TBCD: variants seen among roughly 807,000 people sequenced by gnomAD.
TBCD encodes tubulin folding cofactor D.
A neutral mutation model predicts 169.3 loss-of-function variants in TBCD; 105 were observed. The ratio of observed to expected loss-of-function variants is 0.62; its 90% CI spans 0.53 to 0.73. TBCD has a LOEUF of 0.73. Ranked by LOEUF, TBCD falls within the 30% of genes least tolerant of loss-of-function variation. The pLI is 0.00. For synonymous variants in TBCD, 700 were observed against 643.9 expected (o/e 1.09, Z -1.32); for missense variants, 1,444 against 1,600.1 (o/e 0.90, Z 1.66).
chr17:82,933,602 T>G (rs2062389240), intron 34 of TBCD, among the ~76,000 whole-genome samples: 1 of 146,806 alleles, frequency 6.8e-6, no homozygotes, highest in Non-Finnish European at 1.5e-5. Context: ...GCGTGGTCTG[T>G]TTTTGGGGGC....
intron 6 of TBCD, among the ~76,000 whole-genome samples, chr17:82,772,756 G>A (rs2048371443): frequency 6.6e-6 from 1 of 152,224 alleles, no homozygotes; most frequent in South Asian, 2.1e-4. Flanking sequence ...ATCGACAGGA[G>A]TGCAGGTCTG....
intron 17 of TBCD, among the ~76,000 whole-genome samples, chr17:82,898,804 GT>G (rs1168685772): frequency 1.3e-5 from 2 of 152,204 alleles, no homozygotes; most frequent in African/African-American, 4.8e-5. Context: ...CTTCCGTGTT[GT>G]TTTCACAAGA....
intron 13 of TBCD, among the ~76,000 whole-genome samples, chr17:82,845,666 G>A (rs1452438981): frequency 2.6e-5 from 4 of 151,978 alleles, no homozygotes; most frequent in African/African-American, 4.8e-5. Context: ...GGTCCCTTCC[G>A]CAGCAGCATC....
chr17:82,893,653 A>C, intron 17 of TBCD, 21 bp downstream of exon 17: 1 of 1,524,916 alleles, frequency 6.6e-7, no homozygotes, highest in Non-Finnish European at 8.9e-7. Flanking sequence ...AATGTATATC[A>C]CAAAAATAGA....
chr17:82,929,029 C>T (rs1371048614), intron 30 of TBCD, 84 bp from the exon 31 acceptor site: 7 of 1,512,302 alleles, frequency 4.6e-6, no homozygotes, highest in South Asian at 2.5e-5. Context: ...GCTGGAGTCA[C>T]GGCTCGGACC....
intron 30 of TBCD, 81 bp from the exon 31 acceptor site, chr17:82,929,032 C>T: frequency 6.6e-7 from 1 of 1,521,932 alleles, no homozygotes; most frequent in Non-Finnish European, 8.8e-7. Context: ...GGAGTCACGG[C>T]TCGGACCGCC....
At chr17:82,763,610 G>A (rs1205453198) in intron 2 of TBCD, among the ~76,000 whole-genome samples, 2 of 152,066 alleles carry the variant, frequency 1.3e-5, no homozygotes, top group African/African-American at 4.8e-5. Flanking sequence ...GCGTGGTGAC[G>A]CGTGCCTGTA....
chr17:82,755,877 A>ACT (rs1201917140), intron 1 of TBCD, among the ~76,000 whole-genome samples: 1 of 151,928 alleles, frequency 6.6e-6, no homozygotes, highest in African/African-American at 2.4e-5. Context: ...CGAGGAGGAG[A>ACT]CTCTGTTAGG....
chr17:82,840,953 G>GTTTTTTTTTTTTTTTT lies in TBCD; in HGVS notation c.1318+26019_1318+26020insTTTTTTTTTTTTTTTT, dbSNP rs755302623. ...ACGAGCTGGCCAGGACAGACAAACT[G>GTTTTTTTTTTTTTTTT]GTTTTTTTTTTTTTTTTTTTTTTTT... On this transcript the variant is annotated intron_variant, in intron 13 of 38. Transcript: ENST00000355528. Among the ~76,000 whole-genome samples, 74 of 70,548 alleles carry GTTTTTTTTTTTTTTTT rather than the reference G, an allele frequency of 1.0e-3. 37 individuals carry two copies. Among genetic ancestry groups the GTTTTTTTTTTTTTTTT allele is most frequent in the African/African-American group, 2.6e-3 (46 of 18,010 alleles). The allele number at this position is 70,548 out of a possible 152,430, so 46.3% of individuals were successfully genotyped here.
rs1450057063 is a variant in TBCD, at chr17:82,831,508, G to A, written c.1318+16574G>A. On this transcript the variant is annotated intron_variant, in intron 13 of 38. Transcript: ENST00000355528. The surrounding 1 kb of genome is among the most constrained non-coding windows in gnomAD (Gnocchi z 4.6). ...TGGCCTGTAAAATCCGTAAGGAATC[G>A]GCAGGTTAGAGGGATATTGCTGGAA... is the stretch of plus-strand genomic sequence containing the variant. 17 of 1,614,006 alleles carry A rather than the reference G, an allele frequency of 1.1e-5. No homozygotes were observed. The highest frequency in any genetic ancestry group is 1.4e-5 in the Non-Finnish European group (17 of 1,180,012).
intron 2 of TBCD, among the ~76,000 whole-genome samples, chr17:82,759,895 T>C (rs1461981777): frequency 1.3e-5 from 2 of 150,262 alleles, no homozygotes; most frequent in Non-Finnish European, 3.0e-5. Context: ...TTTGTTTTTT[T>C]TTTTTTTTTG....
chr17:82,919,727 CG>C (rs1398749955), intron 23 of TBCD, among the ~76,000 whole-genome samples: 18 of 152,236 alleles, frequency 1.2e-4, no homozygotes, highest in African/African-American at 4.1e-4. Context: ...CAGGGTCTCT[CG>C]TGGAACAGGA....
chr17:82,781,778 G>A, intron 7 of TBCD, 57 bp downstream of exon 7: 1 of 1,593,644 alleles, frequency 6.3e-7, no homozygotes, highest in Non-Finnish European at 8.5e-7. Flanking sequence ...CTTACATGGG[G>A]ACCACGGAAT....
chr17:82,830,405 C>T lies in TBCD; in HGVS notation c.1318+15471C>T, dbSNP rs751629740. ...CTGTAGGCCGCCAGCTGGCACAGGG[C>T]CACGGCTGCCGTCTGCTTCTGCTCC... is the stretch of plus-strand genomic sequence containing the variant. On this transcript the variant is annotated intron_variant, in intron 13 of 38. Transcript: ENST00000355528. The T allele has an allele frequency of 2.5e-6, 4 of 1,611,732 alleles. No individual in the cohort carries two copies. In the South Asian group the frequency reaches 4.4e-5, roughly 18 times the overall value.
chr17:82,758,400 A>AAAAAATAAAAAAAAAAAAT (rs1035939621), intron 2 of TBCD, among the ~76,000 whole-genome samples: 1 of 100,032 alleles, frequency 1.0e-5, no homozygotes, highest in African/African-American at 3.6e-5. Context: ...AAAAAAAAAA[A>AAAAAATAAAAAAAAAAAAT]AAATAAATAA....
chr17:82,793,276 G>C (rs573816264), intron 7 of TBCD, among the ~76,000 whole-genome samples: 5 of 152,110 alleles, frequency 3.3e-5, no homozygotes, highest in Non-Finnish European at 7.4e-5. Context: ...GCTCGCTCCT[G>C]GGGGAGGCAG....
At chr17:82,757,442 G>A (rs1293622727) in intron 2 of TBCD, among the ~76,000 whole-genome samples, 1 of 152,052 alleles carries the variant, frequency 6.6e-6, no homozygotes, top group Admixed American at 6.6e-5. Context: ...CTAACACGAT[G>A]AAACCCTGTC....
chr17:82,798,921 G>A (rs1417649287), intron 8 of TBCD, among the ~76,000 whole-genome samples: 3 of 152,004 alleles, frequency 2.0e-5, no homozygotes, highest in African/African-American at 2.4e-5. Flanking sequence ...TTTTTTAGCA[G>A]TGGGGTCTTG....
intron 13 of TBCD, among the ~76,000 whole-genome samples, chr17:82,840,983 T>TTTTTTG (rs2054469352): frequency 8.3e-6 from 1 of 120,762 alleles, no homozygotes. Context: ...TTTTTTTTTT[T>TTTTTTG]GAGACAGAGT....
Sources: allele counts gnomAD v4.1 joint callset (sites outside exome capture counted in the v4.1 genomes callset), GRCh38; gene constraint gnomAD v4.1.1; non-coding constraint Gnocchi (gnomAD v3.1); transcripts MANE v1.5; gene names NCBI Gene and HGNC (gene_info 2026-07-23, HGNC 2026-07-21).